ATRX: variants seen among roughly 807,000 people sequenced by gnomAD.
ATRX encodes ATRX chromatin remodeler.
Under a neutral mutation model 172.6 loss-of-function variants are expected in ATRX, and 12 were observed. The observed-to-expected ratio is 0.07, with a 90% confidence interval of 0.04 to 0.11. The LOEUF (loss-of-function observed/expected upper bound fraction) is 0.11. Among genes scored for constraint, ATRX ranks in the 10% least tolerant of loss-of-function variants. The pLI, the probability that ATRX is intolerant of heterozygous loss-of-function variation, is 1.00. For missense variants in ATRX, 1,368 were observed against 1,767.4 expected (o/e 0.77, Z 4.05); for synonymous variants, 674 against 594.7 (o/e 1.13, Z -1.94).
At chrX:77,778,618 A>G (rs1324037841) in intron 1 of ATRX, among the ~76,000 whole-genome samples, 6 of 106,494 alleles carry the variant, frequency 5.6e-5, no homozygotes, top group South Asian at 4.3e-4. Context: ...CTACTCGGGA[A>G]GCTGAGGCAG....
rs5912716 is a variant in ATRX at position 77,652,081 on chromosome X, C to T, written c.4557+33G>A. Reference sequence around the variant, plus strand: ...GCAACAGAGCAAGACCCTGTAGCTACAAAAGAAAAAGAAGAAGAAAGAAAT... The same window carrying T: ...GCAACAGAGCAAGACCCTGTAGCTATAAAAGAAAAAGAAGAAGAAAGAAAT... On this transcript the variant is annotated intron_variant, in intron 15 of 34. Transcript: ENST00000373344. 15,052 of 1,201,564 alleles carry T rather than the reference C, an allele frequency of 0.013. 92 individuals are homozygous for T. Among genetic ancestry groups the T allele is most frequent in the South Asian group, 0.054 (3,030 of 56,611 alleles).
intron 22 of ATRX, among the ~76,000 whole-genome samples, chrX:77,605,567 C>T (rs1037274120): frequency 1.4e-4 from 15 of 110,931 alleles, no homozygotes; most frequent in African/African-American, 4.6e-4. Flanking sequence ...TTCAAAAAAC[C>T]ATGAATACCA....
At chrX:77,643,331 G>A (rs782366400) in intron 15 of ATRX, among the ~76,000 whole-genome samples, 2 of 109,908 alleles carry the variant, frequency 1.8e-5, no homozygotes, top group Non-Finnish European at 3.8e-5. Flanking sequence ...GCATTACAGG[G>A]GAACACTCCC....
intron 15 of ATRX, among the ~76,000 whole-genome samples, chrX:77,646,250 T>A (rs1255506056): frequency 3.6e-5 from 4 of 110,819 alleles, no homozygotes. Flanking sequence ...ACAAATAAAC[T>A]GAAAGTGAAA....
At chrX:77,611,556 T>G (rs1301052171) in intron 22 of ATRX, among the ~76,000 whole-genome samples, 13 of 110,980 alleles carry the variant, frequency 1.2e-4, no homozygotes, top group Non-Finnish European at 2.3e-4. Flanking sequence ...CTTATTGAAA[T>G]AGCCAGATGA....
intron 34 of ATRX, among the ~76,000 whole-genome samples, chrX:77,513,272 G>C (rs2062936902): frequency 1.0e-5 from 1 of 95,463 alleles, no homozygotes; most frequent in Non-Finnish European, 2.0e-5. Context: ...AGCTGAGATT[G>C]CGCCACTGCA....
At chrX:77,624,841 T>C (rs782760988) in intron 19 of ATRX, among the ~76,000 whole-genome samples, 5 of 111,723 alleles carry the variant, frequency 4.5e-5, no homozygotes, top group African/African-American at 1.3e-4. Context: ...ACAAATTCAA[T>C]GCAATCCCCA....
At chrX:77,578,371 G>A (rs953163928) in intron 27 of ATRX, among the ~76,000 whole-genome samples, 5 of 112,086 alleles carry the variant, frequency 4.5e-5, no homozygotes, top group Admixed American at 2.8e-4. Flanking sequence ...CCAATTCCAG[G>A]TAGCGCAGCT....
chrX:77,748,432 TG>T (rs1380157231), intron 1 of ATRX, among the ~76,000 whole-genome samples: 1 of 110,728 alleles, frequency 9.0e-6, no homozygotes, highest in Non-Finnish European at 1.9e-5. Context: ...AACAGGGAAG[TG>T]GGGGAAATTT....
At chrX:77,725,848 A>G (rs2074008349) in intron 1 of ATRX, among the ~76,000 whole-genome samples, 1 of 112,734 alleles carries the variant, frequency 8.9e-6, no homozygotes, top group Non-Finnish European at 1.9e-5. Context: ...GAAGACATTT[A>G]TGCAGCCAAA....
chrX:77,737,327 G>A (rs1318625672), intron 1 of ATRX, among the ~76,000 whole-genome samples: 1 of 103,543 alleles, frequency 9.7e-6, no homozygotes, highest in Non-Finnish European at 2.0e-5. Context: ...GGAGGCTGAG[G>A]CAGCAGAATC....
At chrX:77,764,138 G>A (rs1218871592) in intron 1 of ATRX, among the ~76,000 whole-genome samples, 5 of 111,194 alleles carry the variant, frequency 4.5e-5, no homozygotes, top group Admixed American at 9.6e-5. Context: ...AATATATAGA[G>A]AATGTTTTAA....
At chrX:77,697,790 T>C (rs186112933) in intron 3 of ATRX, among the ~76,000 whole-genome samples, 155 bp from the exon 4 acceptor site, 1 of 112,245 alleles carries the variant, frequency 8.9e-6, no homozygotes, top group Admixed American at 9.4e-5. Context: ...AAAAACTAAT[T>C]CTCTACCACA....
At chrX:77,703,522 G>A (rs890669191) in intron 2 of ATRX, among the ~76,000 whole-genome samples, 1 of 112,349 alleles carries the variant, frequency 8.9e-6, no homozygotes, top group Non-Finnish European at 1.9e-5. Context: ...CAGAAGTTTG[G>A]AGACACCAGG....
In ATRX at chrX:77,683,944, T is replaced by C. The variant is rs1405460167; in HGVS notation, c.1312A>G (p.Lys438Glu). ...CCTTTTCGTGCTTTTGTTTCAAACT[T>C]AGCATCTATGACTTTATGCTCTTTG... ...NTKEHKVIDA[K>E]FETKARKGEK... Residue 438 changes from lysine (K) to glutamate (E), a missense_variant, in exon 9 of 35, where the codon AAG becomes GAG. Coordinates refer to ENST00000373344, the MANE Select transcript of ATRX (RefSeq NM_000489.6). The C allele has an allele frequency of 8.3e-7, 1 of 1,210,207 alleles. No homozygotes were observed. Among genetic ancestry groups the C allele is most frequent in the Non-Finnish European group, 1.1e-6 (1 of 894,210 alleles).
chrX:77,592,846 T>G (rs996384565), intron 26 of ATRX, among the ~76,000 whole-genome samples: 2 of 108,139 alleles, frequency 1.8e-5, no homozygotes, highest in Non-Finnish European at 3.8e-5. Flanking sequence ...GGAAAAGTAA[T>G]TTGAAGGGGG....
rs782020104 is a variant in ATRX at position 77,568,903 on chromosome X, T to C, written c.6326+5347A>G. 6.3e-5 allele frequency among the ~76,000 whole-genome samples: 7 copies of C among 111,492 alleles called. No homozygotes were observed. The South Asian group carries it at 2.7e-3, about 42-fold the overall frequency. On this transcript the variant is annotated intron_variant, in intron 28 of 34. Coordinates refer to ENST00000373344, the MANE Select transcript of ATRX (RefSeq NM_000489.6). ...AAAGCATTTGTCAAATGTAAACACC[T>C]ATTCGTCATAAAAACTCAGAAAATT...
At chrX:77,606,757 C>CAA (rs782601756) in intron 22 of ATRX, among the ~76,000 whole-genome samples, 1,057 of 66,904 alleles carry the variant, frequency 0.016, 28 homozygotes, top group East Asian at 0.023. Context: ...CTCATCTCTA[C>CAA]AAAAAAAAAA....
Position 77,505,172 on chromosome X carries a change from T to A in ATRX, c.*3179A>T. ...GTTTTACTGGTAGAATAAGTCTCTATAGCCTCACAACATGCTACTCTCAAA... is the reference window on the plus strand; with the variant it reads ...GTTTTACTGGTAGAATAAGTCTCTAAAGCCTCACAACATGCTACTCTCAAA... On this transcript the variant is annotated 3_prime_UTR_variant, in exon 35 of 35. Coordinates refer to ENST00000373344, the MANE Select transcript of ATRX (RefSeq NM_000489.6). The A allele has an allele frequency of 5.8e-6, 1 of 173,621 alleles. No individual in the cohort carries two copies. Among genetic ancestry groups the A allele is most frequent in the East Asian group, 8.2e-5 (1 of 12,136 alleles). The allele number at this position is 173,621 out of a possible 1,213,427, so 14.3% of individuals were successfully genotyped here.
Sources: gnomAD v4.1 joint callset for allele counts (sites outside exome capture counted in the v4.1 genomes callset) on GRCh38, gnomAD v4.1.1 for gene constraint, MANE v1.5 for transcripts, NCBI Gene and HGNC (gene_info 2026-07-23, HGNC 2026-07-21) for gene names.